Variants in RARB observed in about 807,000 individuals in gnomAD.
RARB encodes retinoic acid receptor beta.
In RARB, 17 loss-of-function variants were observed where a neutral mutation model predicts 51.9. That is an observed-to-expected ratio of 0.33 (90% CI 0.22 to 0.49). RARB has a LOEUF of 0.49. Among genes scored for constraint, RARB ranks in the 20% least tolerant of loss-of-function variants. The probability of loss-of-function intolerance (pLI) is 0.99; values close to 1 mark genes in which losing one functional copy is unlikely to be tolerated. For missense variants in RARB, 369 were observed against 550.8 expected (o/e 0.67, Z 3.30); for synonymous variants, 215 against 195.4 (o/e 1.10, Z -0.84).
Position 25,022,703 on chromosome 3 carries a change from T to C in RARB, c.-379-37422T>C, listed in dbSNP as rs74757198. Among the ~76,000 whole-genome samples, 858 of 152,278 alleles carry C rather than the reference T, an allele frequency of 5.6e-3. 12 individuals are homozygous for C. Among genetic ancestry groups the C allele is most frequent in the African/African-American group, 0.019 (803 of 41,558 alleles). On this transcript the variant is annotated intron_variant, in intron 2 of 11. Transcript: ENST00000383772. ...ACAGGGAGGACAGGGAAGGCTTCCC[T>C]GAAGAGCTGACATTTGAAATGATGA...
intron 2 of RARB, among the ~76,000 whole-genome samples, chr3:25,053,735 T>A (rs1698383910): frequency 6.6e-6 from 1 of 152,162 alleles, no homozygotes; most frequent in Admixed American, 6.5e-5. Flanking sequence ...CTTTGAATGT[T>A]AGGTGAAAAA....
intron 4 of RARB, among the ~76,000 whole-genome samples, chr3:25,139,094 C>T (rs1392770709): frequency 6.6e-6 from 1 of 152,120 alleles, no homozygotes; most frequent in African/African-American, 2.4e-5. Flanking sequence ...GTTCTGACTG[C>T]TCAACCCACC....
In RARB at chr3:25,164,089, T is replaced by TA. The variant is rs201808369; in HGVS notation, c.-279-10022dup. On this transcript the variant is annotated intron_variant, in intron 4 of 11. Coordinates refer to the RARB transcript ENST00000383772. ...TTCCCAGACTGGCTGCCTGGCTTGA[T>TA]AAAAAAAATGCAGCTCCCAGAAGCA... Among the ~76,000 whole-genome samples, 527 of 151,806 alleles carry TA rather than the reference T, an allele frequency of 3.5e-3. 2 individuals are homozygous for TA. Among genetic ancestry groups the TA allele is most frequent in the African/African-American group, 0.012 (478 of 41,386 alleles).
chr3:24,942,444 C>T (rs905197387), intron 2 of RARB, among the ~76,000 whole-genome samples: 4 of 152,036 alleles, frequency 2.6e-5, no homozygotes, highest in South Asian at 2.1e-4. Flanking sequence ...CACACAGACT[C>T]GAGTAATGTC....
chr3:25,101,764 T>C (rs1699404563), intron 3 of RARB, among the ~76,000 whole-genome samples: 1 of 152,138 alleles, frequency 6.6e-6, no homozygotes, highest in African/African-American at 2.4e-5. Flanking sequence ...TTTGAAAGGC[T>C]ATTTGTAATT....
chr3:24,983,503 T>C (rs951141725), intron 2 of RARB, among the ~76,000 whole-genome samples: 1 of 152,110 alleles, frequency 6.6e-6, no homozygotes. Flanking sequence ...CTACATGCAT[T>C]AGTATTTGTC....
chr3:25,574,689 C>G (rs1023172519), intron 4 of RARB, among the ~76,000 whole-genome samples: 1 of 152,188 alleles, frequency 6.6e-6, no homozygotes, highest in Non-Finnish European at 1.5e-5. Flanking sequence ...TTAAGAAGCC[C>G]TTAACCTGCT....
intron 2 of RARB, among the ~76,000 whole-genome samples, chr3:24,982,810 T>C (rs754093157): frequency 6.6e-6 from 1 of 152,154 alleles, no homozygotes; most frequent in Admixed American, 6.5e-5. Context: ...ATCATAATTA[T>C]TGGAGAACTC....
At chr3:25,174,498 G>A in exon 5 of RARB, 2 of 1,352,116 alleles carry the variant, frequency 1.5e-6, no homozygotes, top group Non-Finnish European at 2.0e-6. Flanking sequence ...CCTGTCATCG[G>A]AGGACTTTCC....
chr3:25,354,880 GT>G (rs1705685071), intron 5 of RARB, among the ~76,000 whole-genome samples: 2 of 29,938 alleles, frequency 6.7e-5, no homozygotes, highest in South Asian at 2.1e-3. Context: ...TGTTTGCAAA[GT>G]CTTTTTTTTT....
At chr3:25,530,362 G>A (rs183528932) in intron 3 of RARB, among the ~76,000 whole-genome samples, 185 of 152,326 alleles carry the variant, frequency 1.2e-3, no homozygotes, top group Non-Finnish European at 2.2e-3. Context: ...ACAAATTACC[G>A]CACATTTAGC....
At chr3:25,343,653 A>T (rs535072276) in intron 5 of RARB, among the ~76,000 whole-genome samples, 11 of 152,214 alleles carry the variant, frequency 7.2e-5, no homozygotes, top group Non-Finnish European at 1.5e-4. Flanking sequence ...AAATAGTTAC[A>T]GTGTTTGATA....
In RARB at chr3:25,597,126, AAACAGGACTATT is replaced by A. The variant is rs1701868843; in HGVS notation, c.*511_*522del. 1 of 153,362 alleles carries A rather than the reference AAACAGGACTATT, an allele frequency of 6.5e-6. No homozygotes were observed. The highest frequency in any genetic ancestry group is 6.5e-5 in the Admixed American group (1 of 15,400). 9.5% of individuals were successfully genotyped at this position (153,362 alleles called of 1,614,324 possible). On this transcript the variant is annotated 3_prime_UTR_variant, in exon 8 of 8. Coordinates refer to ENST00000330688, the MANE Select transcript of RARB (RefSeq NM_000965.5). ...GAATAGTCAAGACATCAAGGTAAGG[AAACAGGACTATT>A]GACAGGACTATTGTACAGTATGACA...
At chr3:24,958,718 ATTTG>A (rs1323383606) in intron 2 of RARB, among the ~76,000 whole-genome samples, 2 of 152,156 alleles carry the variant, frequency 1.3e-5, no homozygotes, top group African/African-American at 4.8e-5. Flanking sequence ...AAAATTTTAG[ATTTG>A]TTAATCAGAT....
chr3:25,357,645 G>A (rs558974909), intron 5 of RARB, among the ~76,000 whole-genome samples: 1 of 152,130 alleles, frequency 6.6e-6, no homozygotes, highest in Non-Finnish European at 1.5e-5. Context: ...ATGGTTTTAG[G>A]TCTTACATTT....
intron 2 of RARB, among the ~76,000 whole-genome samples, chr3:24,893,402 AT>A (rs902324129): frequency 4.0e-5 from 6 of 151,774 alleles, no homozygotes; most frequent in East Asian, 3.9e-4. Context: ...GACAGCTTTA[AT>A]TTTTTTTTGC....
chr3:25,132,732 T>C (rs991637263), intron 4 of RARB, among the ~76,000 whole-genome samples: 1 of 151,926 alleles, frequency 6.6e-6, no homozygotes, highest in Non-Finnish European at 1.5e-5. Flanking sequence ...TTTTAAGTGT[T>C]CTCACTACAA....
chr3:25,524,301 A>G (rs1481783781), intron 3 of RARB, among the ~76,000 whole-genome samples: 2 of 152,198 alleles, frequency 1.3e-5, no homozygotes, highest in African/African-American at 4.8e-5. Flanking sequence ...CCCAGCATAA[A>G]TGATCATTTT....
intron 5 of RARB, among the ~76,000 whole-genome samples, chr3:25,301,149 G>A (rs1057293213): frequency 6.6e-6 from 1 of 152,158 alleles, no homozygotes; most frequent in Non-Finnish European, 1.5e-5. Flanking sequence ...GGTTATCAGG[G>A]TATTAAATGC....
Sources: allele counts gnomAD v4.1 joint callset (sites outside exome capture counted in the v4.1 genomes callset), GRCh38; gene constraint gnomAD v4.1.1; transcripts MANE v1.5; gene names NCBI Gene and HGNC (gene_info 2026-07-23, HGNC 2026-07-21).